NBN: variants seen among roughly 807,000 people sequenced by gnomAD.
NBN encodes the protein Nijmegen breakage syndrome 1 (nibrin).
In NBN, 88 loss-of-function variants were observed where a neutral mutation model predicts 90.8. The ratio of observed to expected loss-of-function variants is 0.97; its 90% CI spans 0.82 to 1.16. The LOEUF (loss-of-function observed/expected upper bound fraction) is 1.16. NBN is among the 50% of genes most tolerant of loss of function. The probability of loss-of-function intolerance (pLI) is 0.00; values close to 1 mark genes in which losing one functional copy is unlikely to be tolerated. For missense variants in NBN, 894 were observed against 869.6 expected, an observed-to-expected ratio of 1.03 and a Z score of -0.35; for synonymous variants, 328 against 295.1, an observed-to-expected ratio of 1.11 and a Z score of -1.14.
rs1306910484 is a variant in NBN, at chr8:89,934,756, T to A, written c.*826A>T. On this transcript the variant is annotated 3_prime_UTR_variant, in exon 16 of 16. Coordinates refer to ENST00000265433, the MANE Select transcript of NBN (RefSeq NM_002485.5). ...TGTCAATAAAGTTTGAAAAAAGACATTCATTGTTTCTTACCATCTCCCTTT... is the reference window on the plus strand; with the variant it reads ...TGTCAATAAAGTTTGAAAAAAGACAATCATTGTTTCTTACCATCTCCCTTT... The A allele has an allele frequency of 4.3e-6, 1 of 233,080 alleles. No individual in the cohort carries two copies. The highest frequency in any genetic ancestry group is 2.2e-5 in the African/African-American group (1 of 45,350). The allele number at this position is 233,080 out of a possible 1,614,324, so 14.4% of individuals were successfully genotyped here.
rs587780781 is a variant in NBN at position 89,981,416 on chromosome 8, C to T, written c.279G>A (p.Ser93=). The change falls in exon 3 of 16, where the codon TCG becomes TCA. Residue 93 remains serine (S), a synonymous_variant. Transcript: ENST00000265433. ...MQNGFSRTLK[S]GDGITFGVFG... is the part of the protein sequence containing the mutation. ...ACACTCCAAAAGTAATACCATCCCC[C>T]GACTTCAAAGTTCGGGAAAAGCCAT... 4.8e-5 allele frequency: 77 copies of T among 1,613,900 alleles called. 2 individuals are homozygous for T. In the Admixed American group the frequency reaches 7.2e-4, roughly 15 times the overall value.
chr8:89,967,124 A>C (rs1586080675), intron 7 of NBN, among the ~76,000 whole-genome samples: 2 of 152,172 alleles, frequency 1.3e-5, no homozygotes, highest in East Asian at 3.8e-4. Flanking sequence ...ACTCTCCCCC[A>C]GTGTCCGTGT....
At position 89,983,696 on chromosome 8, in the gene NBN, A is replaced by T. The variant is rs764623825; in HGVS notation, c.37+829T>A. 2.0e-4 allele frequency among the ~76,000 whole-genome samples: 30 copies of T among 152,198 alleles called. 1 individual carries two copies. The highest frequency in any genetic ancestry group is 1.3e-4 in the Admixed American group (2 of 15,284). ...AATCATAAGTTGTTGGAGTAACAGT[A>T]TATATATTGGAGACATGCGGAGTTG... On this transcript the variant is annotated intron_variant, in intron 1 of 15. Coordinates refer to ENST00000265433, the MANE Select transcript of NBN (RefSeq NM_002485.5).
intron 5 of NBN, among the ~76,000 whole-genome samples, chr8:89,975,784 A>G (rs1238309636): frequency 2.0e-5 from 3 of 152,210 alleles, no homozygotes; most frequent in Non-Finnish European, 4.4e-5. Flanking sequence ...CAAGACCATG[A>G]AATATATCTA....
chr8:89,938,258 TGTAA>T (rs1809783274), intron 14 of NBN, among the ~76,000 whole-genome samples: 2 of 152,168 alleles, frequency 1.3e-5, no homozygotes, highest in African/African-American at 4.8e-5. Context: ...AAACTGCAAC[TGTAA>T]GTGAGATGAC....
chr8:89,984,576 A>T lies in NBN; in HGVS notation c.-15T>A, dbSNP rs376360566. The T allele has an allele frequency of 1.6e-5, 26 of 1,612,546 alleles. No individual in the cohort carries two copies. Among genetic ancestry groups the T allele is most frequent in the Non-Finnish European group, 2.1e-5 (25 of 1,179,660 alleles). ...AGTTTCCACATCGGTCCGGCTCCTCAGGGCTGGGGCCGACGTGCAACCGCG... is the reference window on the plus strand; with the variant it reads ...AGTTTCCACATCGGTCCGGCTCCTCTGGGCTGGGGCCGACGTGCAACCGCG... On this transcript the variant is annotated 5_prime_UTR_variant, in exon 1 of 16. Transcript: ENST00000265433.
At chr8:89,944,020 T>C (rs1810072220) in intron 13 of NBN, among the ~76,000 whole-genome samples, 2 of 152,184 alleles carry the variant, frequency 1.3e-5, no homozygotes, top group Non-Finnish European at 2.9e-5. Flanking sequence ...AAAGAGAATT[T>C]TAAATTTATT....
chr8:89,955,245 T>G (rs1417980237), intron 10 of NBN, 38 bp downstream of exon 10: 1 of 1,599,530 alleles, frequency 6.3e-7, no homozygotes, highest in Non-Finnish European at 8.6e-7. Context: ...ACTTTCATTT[T>G]TTTTTCAGAG....
chr8:89,935,305 C>T lies in NBN; in HGVS notation c.*277G>A, dbSNP rs1207030216. 2.9e-5 allele frequency: 11 copies of T among 379,726 alleles called. No individual in the cohort carries two copies. Among genetic ancestry groups the T allele is most frequent in the South Asian group, 2.0e-4 (6 of 29,782 alleles). The allele number at this position is 379,726 out of a possible 1,614,324, so 23.5% of individuals were successfully genotyped here. ...AAGGGTGACTTTAGTCTTTACCTTA[C>T]GTACATTTAGAATTTTGAACTGTGA... is the stretch of plus-strand genomic sequence containing the variant. On this transcript the variant is annotated 3_prime_UTR_variant, in exon 16 of 16. Transcript: ENST00000265433.
rs1033050295 is a variant in NBN at position 89,953,238 on chromosome 8, A to G, written c.1845+6T>C. ...TACTATACCTCTCATTTAAAATGTT[A>G]CTTACAGATATTTTGCTACTTTCTG... On this transcript the variant is annotated splice_donor_region_variant and intron_variant, in intron 11 of 15. Coordinates refer to ENST00000265433, the MANE Select transcript of NBN (RefSeq NM_002485.5). 7.0e-6 allele frequency: 11 copies of G among 1,573,424 alleles called. No individual in the cohort carries two copies. The highest frequency in any genetic ancestry group is 9.6e-6 in the Non-Finnish European group (11 of 1,144,324).
At chr8:89,938,408 T>C (rs1482441757) in intron 14 of NBN, among the ~76,000 whole-genome samples, 2 of 152,212 alleles carry the variant, frequency 1.3e-5, no homozygotes, top group South Asian at 4.1e-4. Flanking sequence ...TTTTTACTGT[T>C]ACTAATTTAC....
In NBN at chr8:89,970,374, T is replaced by A. The variant is rs1241439290; in HGVS notation, c.886A>T (p.Met296Leu). Residue 296 changes from methionine to leucine, a missense_variant, in exon 7 of 16, where the codon ATG (methionine) becomes TTG (leucine). Coordinates refer to ENST00000265433, the MANE Select transcript of NBN (RefSeq NM_002485.5). ...QKKWIQSIMD[M>L]LQRQGLRPIP... Reference sequence around the variant, plus strand: ...AGAATAATTCTATACCTTTGGAGCATATCCATTATTGACTGAATCCATTTC... The same window carrying A: ...AGAATAATTCTATACCTTTGGAGCAAATCCATTATTGACTGAATCCATTTC... The A allele has an allele frequency of 6.2e-7, 1 of 1,608,654 alleles. No individual in the cohort carries two copies. The highest frequency in any genetic ancestry group is 1.1e-5 in the South Asian group (1 of 90,960).
chr8:89,972,108 C>G (rs976925455), intron 5 of NBN, among the ~76,000 whole-genome samples: 1 of 152,122 alleles, frequency 6.6e-6, no homozygotes, highest in Non-Finnish European at 1.5e-5. Flanking sequence ...AGTCACAAAT[C>G]AAGAGTTAAC....
chr8:89,956,447 AAAAAC>A (rs1324159780), intron 9 of NBN, among the ~76,000 whole-genome samples: 2 of 152,300 alleles, frequency 1.3e-5, no homozygotes, highest in East Asian at 1.9e-4. Context: ...CCCTTCCATT[AAAAAC>A]AAAACAAAAC....
At chr8:89,954,792 C>A (rs961821765) in intron 10 of NBN, among the ~76,000 whole-genome samples, 6 of 151,934 alleles carry the variant, frequency 3.9e-5, no homozygotes, top group African/African-American at 1.4e-4. Flanking sequence ...AGAAGCTTAA[C>A]GGGACGGCAC....
At chr8:89,952,747 T>C (rs1427875559) in intron 11 of NBN, among the ~76,000 whole-genome samples, 3 of 152,128 alleles carry the variant, frequency 2.0e-5, no homozygotes, top group Admixed American at 6.5e-5. Flanking sequence ...AACTTACTGA[T>C]GTATACAAAA....
intron 5 of NBN, among the ~76,000 whole-genome samples, chr8:89,974,370 C>T (rs1160417006): frequency 4.0e-5 from 6 of 149,170 alleles, no homozygotes; most frequent in African/African-American, 1.5e-4. Flanking sequence ...ATATTTCTTA[C>T]CTTCGATTTA....
Position 89,938,406 on chromosome 8 carries a change from G to A in NBN, c.2185-1331C>T, listed in dbSNP as rs369722398. Among the ~76,000 whole-genome samples, 11 of 152,124 alleles carry A rather than the reference G, an allele frequency of 7.2e-5. No homozygotes were observed. The East Asian group carries it at 1.2e-3, about 16-fold the overall frequency. Reference sequence around the variant, plus strand: ...AGGACTTACTGTGTTTATTTTTACTGTTACTAATTTACATTTGAATGCTTC... The same window carrying A: ...AGGACTTACTGTGTTTATTTTTACTATTACTAATTTACATTTGAATGCTTC... On this transcript the variant is annotated intron_variant, in intron 14 of 15. Coordinates refer to ENST00000265433, the MANE Select transcript of NBN (RefSeq NM_002485.5).
chr8:89,959,348 A>G (rs1277025432), intron 8 of NBN, among the ~76,000 whole-genome samples: 1 of 152,236 alleles, frequency 6.6e-6, no homozygotes, highest in Non-Finnish European at 1.5e-5. Flanking sequence ...TTTACTTACC[A>G]GAAGAACAAC....
Sources: allele counts gnomAD v4.1 joint callset (sites outside exome capture counted in the v4.1 genomes callset), GRCh38; gene constraint gnomAD v4.1.1; transcripts MANE v1.5; gene names NCBI Gene and HGNC (gene_info 2026-07-23, HGNC 2026-07-21).